The following SPSB4 variants were observed in gnomAD, a reference collection of about 807,000 sequenced individuals.
SPSB4 encodes splA/ryanodine receptor domain and SOCS box containing 4, also known as SPRY domain-containing SOCS box protein 4.
A neutral mutation model predicts 20.9 loss-of-function variants in SPSB4; 21 were observed. That is an observed-to-expected ratio of 1.01 (90% confidence interval 0.71 to 1.45). SPSB4 has a LOEUF of 1.45. Among genes scored for constraint, SPSB4 ranks in the 40% most tolerant of loss-of-function variants. SPSB4 has a pLI of 0.00. For synonymous variants in SPSB4, 207 were observed against 183.8 expected, an observed-to-expected ratio of 1.13 and a Z score of -1.02; for missense variants, 399 against 399.2, an observed-to-expected ratio of 1.00 and a Z score of 0.00.
At chr3:141,073,483 T>C (rs1318751105) in intron 2 of SPSB4, among the ~76,000 whole-genome samples, 1 of 152,230 alleles carries the variant, frequency 6.6e-6, no homozygotes, top group Non-Finnish European at 1.5e-5. Context: ...ACATAGTGTG[T>C]AGTCAACATA....
At chr3:141,105,369 A>G (rs1350677662) in intron 2 of SPSB4, among the ~76,000 whole-genome samples, 1 of 152,174 alleles carries the variant, frequency 6.6e-6, no homozygotes, top group Non-Finnish European at 1.5e-5. Flanking sequence ...CCCATTTCTT[A>G]CTGCCCATGG....
intron 2 of SPSB4, among the ~76,000 whole-genome samples, chr3:141,110,569 T>C (rs1938780476): frequency 6.6e-6 from 1 of 152,204 alleles, no homozygotes. Flanking sequence ...AAAGGTTTGT[T>C]TTTGCCCATA....
chr3:141,122,736 G>T lies in SPSB4; in HGVS notation c.695-24406G>T, dbSNP rs569082951. 6.6e-5 allele frequency among the ~76,000 whole-genome samples: 10 copies of T among 152,346 alleles called. No homozygotes were observed. The East Asian group carries it at 1.9e-3, about 29-fold the overall frequency. On this transcript the variant is annotated intron_variant, in intron 2 of 2. Transcript: ENST00000310546. ...CAGTGAGCAAGGCTCCGTGGGCGTG[G>T]GACCCGCCAAGCCAGGCACGGGAGG...
chr3:141,057,212 T>C (rs181223449), intron 1 of SPSB4, among the ~76,000 whole-genome samples: 38 of 152,336 alleles, frequency 2.5e-4, no homozygotes, highest in African/African-American at 8.2e-4. Context: ...TGAATGCCTA[T>C]GAACAAAACC....
intron 2 of SPSB4, among the ~76,000 whole-genome samples, chr3:141,094,018 C>T (rs1403364934): frequency 5.3e-5 from 8 of 152,228 alleles, no homozygotes; most frequent in Admixed American, 3.9e-4. Flanking sequence ...AGGCAGGTCC[C>T]GGCAGGCAAA....
chr3:141,096,760 T>G (rs1474321794), intron 2 of SPSB4, among the ~76,000 whole-genome samples: 1 of 152,264 alleles, frequency 6.6e-6, no homozygotes, highest in Non-Finnish European at 1.5e-5. Context: ...TGCTTTTTTT[T>G]GGTAGATGTT....
At chr3:141,101,788 C>T (rs184407847) in intron 2 of SPSB4, among the ~76,000 whole-genome samples, 49 of 152,336 alleles carry the variant, frequency 3.2e-4, no homozygotes, top group Admixed American at 1.3e-3. Flanking sequence ...ATAGAAGATG[C>T]ACCGATAACG....
intron 1 of SPSB4, among the ~76,000 whole-genome samples, chr3:141,052,442 C>T (rs895968636): frequency 6.6e-6 from 1 of 152,142 alleles, no homozygotes; most frequent in Non-Finnish European, 1.5e-5. Context: ...ACAGGAAACA[C>T]TCAATCATAT....
At chr3:141,108,558 C>G (rs185228344) in intron 2 of SPSB4, among the ~76,000 whole-genome samples, 75 of 152,316 alleles carry the variant, frequency 4.9e-4, no homozygotes, top group African/African-American at 1.7e-3. Context: ...AGATGGAGAA[C>G]ATTTACTGAG....
rs368867536 is a variant in SPSB4, at chr3:141,147,307, C to T, written c.*38C>T. On this transcript the variant is annotated 3_prime_UTR_variant, in exon 3 of 3. Coordinates refer to ENST00000310546, the MANE Select transcript of SPSB4 (RefSeq NM_080862.3). ...GGGCAGCACAGACACAGACACACAC[C>T]GCAGGGCCCGACCCTCCTGTCATTC... The T allele has an allele frequency of 3.5e-5, 57 of 1,611,388 alleles. No homozygotes were observed. The Admixed American group carries it at 5.0e-4, about 14-fold the overall frequency.
chr3:141,088,630 G>C (rs1938394737), intron 2 of SPSB4, among the ~76,000 whole-genome samples: 1 of 152,200 alleles, frequency 6.6e-6, no homozygotes, highest in African/African-American at 2.4e-5. Flanking sequence ...CAATGACTCG[G>C]AGACAGGAGT....
At chr3:141,064,814 G>A (rs909526705) in intron 1 of SPSB4, among the ~76,000 whole-genome samples, 18 of 152,190 alleles carry the variant, frequency 1.2e-4, no homozygotes, top group Non-Finnish European at 8.8e-5. Context: ...CAAGTAGTCC[G>A]AGCTCCTTGG....
At chr3:141,095,176 C>A (rs1938525755) in intron 2 of SPSB4, among the ~76,000 whole-genome samples, 1 of 152,100 alleles carries the variant, frequency 6.6e-6, no homozygotes, top group South Asian at 2.1e-4. Context: ...CAGAAAGGTG[C>A]CTGCGTCCTA....
At chr3:141,104,182 G>A (rs1211928582) in intron 2 of SPSB4, among the ~76,000 whole-genome samples, 2 of 152,202 alleles carry the variant, frequency 1.3e-5, no homozygotes, top group African/African-American at 4.8e-5. Flanking sequence ...GAATGACAGA[G>A]GGACTGGGCC....
chr3:141,134,003 T>G (rs1484458141), intron 2 of SPSB4, among the ~76,000 whole-genome samples: 1 of 150,748 alleles, frequency 6.6e-6, no homozygotes, highest in Non-Finnish European at 1.5e-5. Context: ...TTAGGTATAT[T>G]CCTAAGTATT....
intron 1 of SPSB4, among the ~76,000 whole-genome samples, chr3:141,054,013 T>G (rs1044777908): frequency 6.6e-6 from 1 of 152,226 alleles, no homozygotes; most frequent in Non-Finnish European, 1.5e-5. Flanking sequence ...TAGAATACTT[T>G]TCCTCCTAGT....
chr3:141,069,828 C>T (rs934555402), intron 2 of SPSB4, among the ~76,000 whole-genome samples: 5 of 152,250 alleles, frequency 3.3e-5, no homozygotes, highest in African/African-American at 1.2e-4. Context: ...TGGCTTAAAG[C>T]AAAATGGCCT....
At chr3:141,059,165 G>A (rs144094245) in intron 1 of SPSB4, among the ~76,000 whole-genome samples, 2,087 of 152,228 alleles carry the variant, frequency 0.014, 26 homozygotes, top group Middle Eastern at 0.024. Flanking sequence ...GAGGTACAGG[G>A]CAGGCCCCAG....
chr3:141,082,810 G>T (rs1432339622), intron 2 of SPSB4, among the ~76,000 whole-genome samples: 1 of 152,214 alleles, frequency 6.6e-6, no homozygotes, highest in Non-Finnish European at 1.5e-5. Context: ...CAGGCTCAAA[G>T]CGTCCCTTTC....
Sources: gnomAD v4.1 joint callset for allele counts (sites outside exome capture counted in the v4.1 genomes callset) on GRCh38, gnomAD v4.1.1 for gene constraint, MANE v1.5 for transcripts, NCBI Gene and HGNC (gene_info 2026-07-23, HGNC 2026-07-21) for gene names.